FRYL: variants seen among roughly 807,000 people sequenced by gnomAD.
FRYL encodes the protein FRY like transcription coactivator.
Under a neutral mutation model 351.2 loss-of-function variants are expected in FRYL, and 150 were observed. That is an observed-to-expected ratio of 0.43 (90% CI 0.37 to 0.49). The LOEUF (loss-of-function observed/expected upper bound fraction) is 0.49. Among genes scored for constraint, FRYL ranks in the 20% least tolerant of loss-of-function variants. The pLI is 0.00. For missense variants in FRYL, 3,036 were observed against 3,619.3 expected, an observed-to-expected ratio of 0.84 and a Z score of 4.13; for synonymous variants, 1,153 against 1,257.1, an observed-to-expected ratio of 0.92 and a Z score of 1.75.
At chr4:48,663,774 CAAAAAAAAA>C (rs71191251) in intron 3 of FRYL, among the ~76,000 whole-genome samples, 1 of 70,112 alleles carries the variant, frequency 1.4e-5, no homozygotes, top group African/African-American at 5.0e-5. Context: ...GACTCCGTCT[CAAAAAAAAA>C]AAAAAAAAAA....
At chr4:48,734,104 AAAAG>A (rs1188904154) in intron 1 of FRYL, among the ~76,000 whole-genome samples, 2 of 152,200 alleles carry the variant, frequency 1.3e-5, no homozygotes, top group Non-Finnish European at 2.9e-5. Context: ...TGCACTAATT[AAAAG>A]AAAGATTGTC....
intron 20 of FRYL, 49 bp downstream of exon 20, chr4:48,582,448 C>T (rs1741146639): frequency 8.8e-7 from 1 of 1,137,176 alleles, no homozygotes; most frequent in African/African-American, 1.5e-5. Context: ...CATTATTGGT[C>T]ATTTAGCACT....
intron 47 of FRYL, among the ~76,000 whole-genome samples, 183 bp from the exon 48 acceptor site, chr4:48,536,010 TA>T: frequency 6.6e-6 from 1 of 152,324 alleles, no homozygotes; most frequent in Non-Finnish European, 1.5e-5. Flanking sequence ...CACAGAATAG[TA>T]AGAGCTAATA....
At chr4:48,513,297 C>T (rs1722864088) in intron 56 of FRYL, among the ~76,000 whole-genome samples, 1 of 152,134 alleles carries the variant, frequency 6.6e-6, no homozygotes, top group African/African-American at 2.4e-5. Context: ...AGCCAGGAAA[C>T]ACATGGCTAG....
intron 3 of FRYL, among the ~76,000 whole-genome samples, chr4:48,644,489 G>A (rs1284077204): frequency 4.6e-4 from 37 of 80,570 alleles, no homozygotes; most frequent in Non-Finnish European, 5.4e-4. Context: ...AGATAAATCA[G>A]ATAATTGTAA....
chr4:48,553,157 G>A, intron 36 of FRYL, 58 bp downstream of exon 36: 1 of 1,375,508 alleles, frequency 7.3e-7, no homozygotes, highest in East Asian at 2.3e-5. Context: ...TTACCATAGT[G>A]AAGCAGATGA....
chr4:48,727,760 C>A (rs969227859), intron 1 of FRYL, among the ~76,000 whole-genome samples: 12 of 152,308 alleles, frequency 7.9e-5, no homozygotes, highest in African/African-American at 2.6e-4. Flanking sequence ...TTGCTAACTA[C>A]CCCTAACTAA....
intron 1 of FRYL, among the ~76,000 whole-genome samples, chr4:48,712,505 G>T (rs1270513596): frequency 6.6e-6 from 1 of 152,054 alleles, no homozygotes; most frequent in Non-Finnish European, 1.5e-5. Flanking sequence ...AAGCGAGAAG[G>T]GAAGTTTAGA....
intron 47 of FRYL, among the ~76,000 whole-genome samples, chr4:48,537,013 T>A (rs1729042494): frequency 6.6e-6 from 1 of 152,136 alleles, no homozygotes; most frequent in South Asian, 2.1e-4. Context: ...TTTCATGCAG[T>A]AGTGTTTTGC....
At chr4:48,631,930 G>A (rs1753047852) in intron 4 of FRYL, among the ~76,000 whole-genome samples, 1 of 150,052 alleles carries the variant, frequency 6.7e-6, no homozygotes, top group South Asian at 2.1e-4. Flanking sequence ...GCGCATGCCT[G>A]TAGTCTCAGC....
At chr4:48,562,139 T>C (rs1029574792) in intron 32 of FRYL, among the ~76,000 whole-genome samples, 1 of 152,046 alleles carries the variant, frequency 6.6e-6, no homozygotes, top group Non-Finnish European at 1.5e-5. Flanking sequence ...CAACTTAATA[T>C]ACGATTACTT....
chr4:48,669,323 G>A (rs1762265473), intron 3 of FRYL, among the ~76,000 whole-genome samples: 2 of 152,122 alleles, frequency 1.3e-5, no homozygotes, highest in Non-Finnish European at 2.9e-5. Flanking sequence ...AGTTCTGGGA[G>A]CCCTACGGTG....
intron 27 of FRYL, among the ~76,000 whole-genome samples, chr4:48,570,065 C>A (rs758511684): frequency 2.0e-5 from 3 of 152,028 alleles, no homozygotes; most frequent in Non-Finnish European, 4.4e-5. Context: ...CCACCCATCT[C>A]AGCCTCCCAA....
At chr4:48,760,976 C>A (rs191199697) in intron 1 of FRYL, among the ~76,000 whole-genome samples, 240 of 151,332 alleles carry the variant, frequency 1.6e-3, no homozygotes, top group African/African-American at 5.8e-3. Context: ...CCGCCCCCGG[C>A]CACCCTCGCT....
At chr4:48,665,289 G>T (rs1761509549) in intron 3 of FRYL, among the ~76,000 whole-genome samples, 1 of 152,180 alleles carries the variant, frequency 6.6e-6, no homozygotes, top group Non-Finnish European at 1.5e-5. Context: ...CAGTCTAGAA[G>T]ATCACACACC....
intron 28 of FRYL, among the ~76,000 whole-genome samples, chr4:48,566,416 T>C (rs1322342020): frequency 6.6e-6 from 1 of 151,858 alleles, no homozygotes; most frequent in Non-Finnish European, 1.5e-5. Flanking sequence ...GTGGAAGTTG[T>C]AAAAAAGTGT....
At chr4:48,499,769 T>A in intron 63 of FRYL, 89 bp from the exon 64 acceptor site, 1 of 1,198,350 alleles carries the variant, frequency 8.3e-7, no homozygotes, top group Non-Finnish European at 1.2e-6. Context: ...AACAACAACA[T>A]TTCCTTGTGA....
intron 4 of FRYL, among the ~76,000 whole-genome samples, chr4:48,625,852 GAA>G (rs1436519268): frequency 6.6e-6 from 1 of 152,108 alleles, no homozygotes; most frequent in Non-Finnish European, 1.5e-5. Context: ...TAAAAGGAAA[GAA>G]AGTATGTATA....
chr4:48,687,491 TCGG>T (rs1185948531), intron 2 of FRYL, among the ~76,000 whole-genome samples: 6 of 198 alleles, frequency 0.03, no homozygotes, highest in African/African-American at 0.081. Flanking sequence ...GCAAATGAGG[TCGG>T]GGGGGGGGGG....
Sources: gnomAD v4.1 joint callset for allele counts (sites outside exome capture counted in the v4.1 genomes callset) on GRCh38, gnomAD v4.1.1 for gene constraint, MANE v1.5 for transcripts, NCBI Gene and HGNC (gene_info 2026-07-23, HGNC 2026-07-21) for gene names.